NRXN1: variants seen among roughly 807,000 people sequenced by gnomAD.
NRXN1 encodes the protein neurexin-1.
NRXN1 carries 39 observed loss-of-function variants against 150.9 expected under a neutral mutation model. That is an observed-to-expected ratio of 0.26 (90% CI 0.20 to 0.34). The LOEUF (loss-of-function observed/expected upper bound fraction) is 0.34. Ranked by LOEUF, NRXN1 falls within the 10% of genes least tolerant of loss-of-function variation. The pLI is 1.00. For synonymous variants in NRXN1, 924 were observed against 757.0 expected (o/e 1.22, Z -3.62); for missense variants, 1,815 against 1,949.9 (o/e 0.93, Z 1.30).
chr2:50,865,670 T>TG (rs1300209035), intron 5 of NRXN1, among the ~76,000 whole-genome samples: 1 of 134,038 alleles, frequency 7.5e-6, no homozygotes, highest in Non-Finnish European at 1.6e-5. Context: ...TTTTTTTTTT[T>TG]TTTTTTTTTT....
intron 18 of NRXN1, among the ~76,000 whole-genome samples, chr2:50,220,758 A>G (rs2063821640): frequency 6.6e-6 from 1 of 151,968 alleles, no homozygotes; most frequent in African/African-American, 2.4e-5. Flanking sequence ...TTTTCCAGAC[A>G]CAAGCAATTA....
At chr2:50,946,024 G>A (rs1690324027) in intron 2 of NRXN1, among the ~76,000 whole-genome samples, 1 of 151,384 alleles carries the variant, frequency 6.6e-6, no homozygotes, top group Non-Finnish European at 1.5e-5. Flanking sequence ...ACTCTGGAAT[G>A]ACCATAGAGG....
At chr2:50,059,107 A>C (rs1450343184) in intron 19 of NRXN1, among the ~76,000 whole-genome samples, 1 of 152,176 alleles carries the variant, frequency 6.6e-6, no homozygotes, top group Non-Finnish European at 1.5e-5. Context: ...AGACAGGAAG[A>C]TGTGGGATAA....
At chr2:50,858,098 T>TC (rs1278588556) in intron 5 of NRXN1, among the ~76,000 whole-genome samples, 1 of 151,888 alleles carries the variant, frequency 6.6e-6, no homozygotes, top group Admixed American at 6.6e-5. Flanking sequence ...ATAGATTTTT[T>TC]TTTTTTCCGA....
intron 8 of NRXN1, among the ~76,000 whole-genome samples, chr2:50,556,924 C>A (rs150310413): frequency 1.3e-3 from 205 of 152,144 alleles, no homozygotes; most frequent in African/African-American, 4.7e-3. Context: ...GCTTTTTTTA[C>A]CCTTAATATG....
intron 5 of NRXN1, among the ~76,000 whole-genome samples, chr2:50,647,829 C>CGA (rs1192023689): frequency 2.0e-5 from 3 of 151,826 alleles, no homozygotes; most frequent in Non-Finnish European, 4.4e-5. Context: ...ATCATCTTTT[C>CGA]ACATTCTAAT....
rs1257928690 is a variant in NRXN1, at chr2:49,919,224, T to C, written c.*2720A>G. On this transcript the variant is annotated 3_prime_UTR_variant, in exon 23 of 23. Transcript: ENST00000401669. ...CTGCAAACTATGCAGGGAACCCTGATATGTTTGGTATGAAGATACTTGGGA... is the reference window on the plus strand; with the variant it reads ...CTGCAAACTATGCAGGGAACCCTGACATGTTTGGTATGAAGATACTTGGGA... 6.6e-6 allele frequency: 1 copy of C among 152,286 alleles called. No homozygotes were observed. Among genetic ancestry groups the C allele is most frequent in the East Asian group, 1.9e-4 (1 of 5,190 alleles). The allele number at this position is 152,286 out of a possible 1,614,324, so 9.4% of individuals were successfully genotyped here. A position where few individuals can be genotyped will look rare whatever the true frequency, so the allele number is the denominator to read the frequency against.
At chr2:50,638,282 T>G (rs2104457139) in intron 5 of NRXN1, among the ~76,000 whole-genome samples, 1 of 152,302 alleles carries the variant, frequency 6.6e-6, no homozygotes, top group Non-Finnish European at 1.5e-5. Flanking sequence ...TTTTTTTAGT[T>G]TCTAGTTAGT....
At chr2:49,925,493 T>C (rs1247347155) in intron 22 of NRXN1, among the ~76,000 whole-genome samples, 1 of 152,072 alleles carries the variant, frequency 6.6e-6, no homozygotes, top group East Asian at 1.9e-4. Flanking sequence ...TATCAATGAC[T>C]AATATGGTTA....
chr2:50,641,485 G>A (rs1354261367), intron 5 of NRXN1, among the ~76,000 whole-genome samples: 3 of 152,010 alleles, frequency 2.0e-5, no homozygotes, highest in East Asian at 1.9e-4. Context: ...GGAAGGCACC[G>A]AAGAAGCCCT....
intron 8 of NRXN1, among the ~76,000 whole-genome samples, chr2:50,593,076 A>G (rs1248403951): frequency 6.6e-6 from 1 of 152,244 alleles, no homozygotes; most frequent in Non-Finnish European, 1.5e-5. Flanking sequence ...CTCAATCACT[A>G]CAAAATGAAA....
At chr2:49,984,078 G>T (rs1174568677) in intron 21 of NRXN1, among the ~76,000 whole-genome samples, 4 of 152,022 alleles carry the variant, frequency 2.6e-5, no homozygotes, top group African/African-American at 9.7e-5. Context: ...GAAGTGGGAA[G>T]ATCACTTGAG....
In NRXN1 at chr2:50,449,955, T is replaced by C. The variant is rs147106212; in HGVS notation, c.3364+15487A>G. Among the ~76,000 whole-genome samples, 608 of 152,320 alleles carry C rather than the reference T, an allele frequency of 4.0e-3. 3 individuals carry two copies. The highest frequency in any genetic ancestry group is 7.2e-3 in the Non-Finnish European group (492 of 68,034). ...CTGACTCTCAGATATGTTAATCAAC[T>C]TGTCTATGGCCACACAGATGCCATG... On this transcript the variant is annotated intron_variant, in intron 17 of 22. Transcript: ENST00000401669.
At chr2:50,479,761 C>CTTTTTCTTTTT (rs2090303482) in intron 15 of NRXN1, among the ~76,000 whole-genome samples, 1 of 69,002 alleles carries the variant, frequency 1.4e-5, no homozygotes, top group Non-Finnish European at 3.1e-5. Flanking sequence ...TAATCCATTT[C>CTTTTTCTTTTT]TTTTTCTTTT....
intron 5 of NRXN1, among the ~76,000 whole-genome samples, chr2:50,912,627 T>C (rs1426942450): frequency 2.0e-5 from 3 of 151,530 alleles, no homozygotes; most frequent in African/African-American, 7.3e-5. Context: ...AGAACAATAG[T>C]AATGATCTCA....
chr2:50,560,091 A>C (rs529075043), intron 8 of NRXN1, among the ~76,000 whole-genome samples: 12 of 152,312 alleles, frequency 7.9e-5, no homozygotes, highest in Non-Finnish European at 1.6e-4. Flanking sequence ...GTCACTTTTT[A>C]AAATCTTTGC....
chr2:49,961,349 T>C (rs968702793), intron 21 of NRXN1, among the ~76,000 whole-genome samples: 5 of 146,768 alleles, frequency 3.4e-5, no homozygotes, highest in Admixed American at 2.0e-4. Flanking sequence ...CACACACACA[T>C]CAATCTCTCA....
chr2:50,132,722 C>G (rs1705717406), intron 18 of NRXN1, among the ~76,000 whole-genome samples: 1 of 152,084 alleles, frequency 6.6e-6, no homozygotes, highest in African/African-American at 2.4e-5. Flanking sequence ...TCCTTGGAAA[C>G]CTTGACTTTC....
chr2:49,994,070 A>G (rs1682498066), intron 21 of NRXN1, among the ~76,000 whole-genome samples: 1 of 152,202 alleles, frequency 6.6e-6, no homozygotes, highest in Non-Finnish European at 1.5e-5. Flanking sequence ...CTGCTTCAGA[A>G]TCACACCGGG....
Sources: allele counts gnomAD v4.1 joint callset (sites outside exome capture counted in the v4.1 genomes callset), GRCh38; gene constraint gnomAD v4.1.1; transcripts MANE v1.5; gene names NCBI Gene and HGNC (gene_info 2026-07-23, HGNC 2026-07-21).